SPAG17: variants seen among roughly 807,000 people sequenced by gnomAD.
SPAG17 encodes sperm associated antigen 17.
In SPAG17, 169 loss-of-function variants were observed where a neutral mutation model predicts 273.6. The observed-to-expected ratio is 0.62, with a 90% CI of 0.55 to 0.70. The LOEUF is 0.70. SPAG17 is among the 30% of genes least tolerant of loss of function. SPAG17 has a pLI of 0.00. For missense variants in SPAG17, 2,557 were observed against 2,627.8 expected (o/e 0.97, Z 0.59); for synonymous variants, 825 against 873.2 (o/e 0.94, Z 0.97).
chr1:118,031,846 T>C lies in SPAG17; in HGVS notation c.3455A>G (p.Glu1152Gly), dbSNP rs1272788464. ...TGCTGAAGGGATATTCAATATTGTT[T>C]CTAAATCAGGATCCTTATCTTCTAT... ...MAPEDKDPDL[E>G]TILNIPSALT... Residue 1152 changes from glutamate (E) to glycine (G), a missense_variant, in exon 25 of 49, where the codon GAA becomes GGA. Physicochemically the swap from Glu to Gly is moderately conservative, Grantham distance 98. Transcript: ENST00000336338. 6.2e-7 allele frequency: 1 copy of C among 1,603,366 alleles called. No individual in the cohort carries two copies. Among genetic ancestry groups the C allele is most frequent in the Non-Finnish European group, 8.5e-7 (1 of 1,174,998 alleles).
intron 15 of SPAG17, among the ~76,000 whole-genome samples, chr1:118,076,948 C>T (rs934990702): frequency 3.3e-5 from 5 of 152,008 alleles, no homozygotes; most frequent in African/African-American, 9.7e-5. Flanking sequence ...ATCTAAACCT[C>T]GCGGTTATCA....
rs534504785 is a variant in SPAG17, at chr1:118,065,147, C to T, written c.2540+1598G>A. ...AAGAACGAAAAAGAATATAGACACACGTAACACAGGTTTAAAAGGTAAAAG... is the reference window on the plus strand; with the variant it reads ...AAGAACGAAAAAGAATATAGACACATGTAACACAGGTTTAAAAGGTAAAAG... On this transcript the variant is annotated intron_variant, in intron 18 of 48. Transcript: ENST00000336338. 8.2e-4 allele frequency among the ~76,000 whole-genome samples: 124 copies of T among 152,108 alleles called. No individual in the cohort carries two copies. In the East Asian group the frequency reaches 0.012, roughly 15 times the overall value.
chr1:118,045,311 A>T (rs554506048), intron 20 of SPAG17, among the ~76,000 whole-genome samples: 1 of 152,182 alleles, frequency 6.6e-6, no homozygotes, highest in Non-Finnish European at 1.5e-5. Flanking sequence ...CTCATCCCCA[A>T]ACCCCTCAGG....
rs1441185117 is a variant in SPAG17, at chr1:118,076,972, T to C, written c.2210-2372A>G. ...TCGCGGTTATCAACTCTCAGGTTTT[T>C]CATAAATATCCACTAGGCCCTGTCA... is the stretch of plus-strand genomic sequence containing the variant. On this transcript the variant is annotated intron_variant, in intron 15 of 48. Coordinates refer to ENST00000336338, the MANE Select transcript of SPAG17 (RefSeq NM_206996.4). Among the ~76,000 whole-genome samples, 3 of 152,124 alleles carry C rather than the reference T, an allele frequency of 2.0e-5. No homozygotes were observed. The East Asian group carries it at 5.8e-4, about 29-fold the overall frequency.
chr1:118,164,251 T>C (rs542117618), intron 1 of SPAG17, among the ~76,000 whole-genome samples: 14 of 152,262 alleles, frequency 9.2e-5, no homozygotes, highest in Non-Finnish European at 2.1e-4. Flanking sequence ...GACTTCTTGA[T>C]GAACATTTCT....
At chr1:118,130,263 T>TACC (rs896719907) in intron 3 of SPAG17, among the ~76,000 whole-genome samples, 1 of 152,170 alleles carries the variant, frequency 6.6e-6, no homozygotes, top group African/African-American at 2.4e-5. Flanking sequence ...GTGTGCCACC[T>TACC]ACCCCAGAAC....
At chr1:117,970,886 A>G (rs1654473871) in intron 45 of SPAG17, among the ~76,000 whole-genome samples, 1 of 152,112 alleles carries the variant, frequency 6.6e-6, no homozygotes, top group Admixed American at 6.6e-5. Context: ...ATTTCTTCCC[A>G]CCCACTTTGT....
In SPAG17 at chr1:118,022,809, C is replaced by T. The variant is rs116791362; in HGVS notation, c.4069+495G>A. Among the ~76,000 whole-genome samples the T allele has an allele frequency of 8.6e-3, 1,312 of 152,250 alleles. 23 individuals are homozygous for T. The highest frequency in any genetic ancestry group is 0.03 in the African/African-American group (1,248 of 41,558). ...AGTCAATGACATAAAGACAGGTCTGCTGGGGTGACAGGTGGAGTTCTGGAA... is the reference window on the plus strand; with the variant it reads ...AGTCAATGACATAAAGACAGGTCTGTTGGGGTGACAGGTGGAGTTCTGGAA... On this transcript the variant is annotated intron_variant, in intron 28 of 48. Transcript: ENST00000336338.
intron 3 of SPAG17, among the ~76,000 whole-genome samples, chr1:118,120,624 C>T (rs764805041): frequency 1.3e-4 from 20 of 152,126 alleles, no homozygotes; most frequent in Non-Finnish European, 2.8e-4. Flanking sequence ...CTATGGCTTC[C>T]AAGCTAAGAT....
chr1:118,126,370 T>G (rs1194265867), intron 3 of SPAG17, among the ~76,000 whole-genome samples: 3 of 151,548 alleles, frequency 2.0e-5, no homozygotes, highest in Non-Finnish European at 4.4e-5. Flanking sequence ...TACACCCAGC[T>G]AATTTTTTTG....
intron 28 of SPAG17, among the ~76,000 whole-genome samples, chr1:118,019,880 G>A (rs897547792): frequency 6.6e-6 from 1 of 152,040 alleles, no homozygotes; most frequent in African/African-American, 2.4e-5. Flanking sequence ...TCAAGAATGA[G>A]GACAACATAA....
intron 1 of SPAG17, among the ~76,000 whole-genome samples, chr1:118,156,565 A>G (rs1266633277): frequency 3.9e-5 from 6 of 152,162 alleles, no homozygotes; most frequent in East Asian, 1.9e-4. Context: ...CTGCTTAGAC[A>G]TATTTCCCAG....
At chr1:118,028,157 G>T in intron 26 of SPAG17, 117 bp downstream of exon 26, 1 of 1,212,822 alleles carries the variant, frequency 8.2e-7, no homozygotes, top group African/African-American at 1.5e-5. Flanking sequence ...TGTGAAAACA[G>T]TCTATTGTTC....
intron 16 of SPAG17, 120 bp from the exon 17 acceptor site, chr1:118,074,087 T>C: frequency 1.5e-6 from 1 of 660,736 alleles, no homozygotes; most frequent in Non-Finnish European, 2.5e-6. Context: ...TGCATATGTA[T>C]AAATCCATAT....
intron 7 of SPAG17, 74 bp from the exon 8 acceptor site, chr1:118,093,391 C>G: frequency 2.2e-6 from 3 of 1,373,166 alleles, no homozygotes; most frequent in Non-Finnish European, 3.0e-6. Context: ...GTATATATCT[C>G]TTAACAGTTA....
chr1:117,990,856 C>A lies in SPAG17; in HGVS notation c.5521+5G>T. ...TACTGCAGAAGAATATTAAATGCAACTTACCTTCAGTAACATGACTTTTTG... is the reference window on the plus strand; with the variant it reads ...TACTGCAGAAGAATATTAAATGCAAATTACCTTCAGTAACATGACTTTTTG... On this transcript the variant is annotated splice_donor_5th_base_variant and intron_variant, in intron 38 of 48. Coordinates refer to ENST00000336338, the MANE Select transcript of SPAG17 (RefSeq NM_206996.4). 1 of 1,561,076 alleles carries A rather than the reference C, an allele frequency of 6.4e-7. No homozygotes were observed. The highest frequency in any genetic ancestry group is 8.7e-7 in the Non-Finnish European group (1 of 1,144,732).
chr1:117,989,872 G>T (rs916275536), intron 38 of SPAG17, among the ~76,000 whole-genome samples: 1 of 152,226 alleles, frequency 6.6e-6, no homozygotes, highest in Non-Finnish European at 1.5e-5. Context: ...GAGCCACCAG[G>T]CCGGGCCTGG....
chr1:118,010,265 A>G (rs1198364134), intron 30 of SPAG17, among the ~76,000 whole-genome samples: 1 of 150,986 alleles, frequency 6.6e-6, no homozygotes, highest in Non-Finnish European at 1.5e-5. Flanking sequence ...ACAAAGAACA[A>G]AGCTGGAGGC....
chr1:118,135,397 G>GTGTGTA (rs1448662656), intron 3 of SPAG17, among the ~76,000 whole-genome samples: 1 of 150,840 alleles, frequency 6.6e-6, no homozygotes, highest in Non-Finnish European at 1.5e-5. Flanking sequence ...GTGTGTGTGT[G>GTGTGTA]TGTGTGTGTG....
Sources: allele counts gnomAD v4.1 joint callset (sites outside exome capture counted in the v4.1 genomes callset), GRCh38; gene constraint gnomAD v4.1.1; transcripts MANE v1.5; gene names NCBI Gene and HGNC (gene_info 2026-07-23, HGNC 2026-07-21).